Variants in DUT observed in about 807,000 individuals in gnomAD.
DUT encodes the protein deoxyuridine 5'-triphosphate nucleotidohydrolase, mitochondrial.
Under a neutral mutation model 28.8 loss-of-function variants are expected in DUT, and 21 were observed. The observed-to-expected ratio is 0.73, with a 90% CI of 0.52 to 1.05. The LOEUF is 1.05. Among genes scored for constraint, DUT ranks in the 50% least tolerant of loss-of-function variants. The pLI is 0.00. For synonymous variants in DUT, 147 were observed against 143.7 expected (o/e 1.02, Z -0.17); for missense variants, 344 against 351.8 (o/e 0.98, Z 0.18).
intron 1 of DUT, 114 bp downstream of exon 1, chr15:48,331,909 G>C: frequency 1.6e-6 from 1 of 623,346 alleles, no homozygotes. Flanking sequence ...CGGGGGGGGT[G>C]GGGTGGTCCA....
At chr15:48,337,873 A>G (rs973210949) in intron 4 of DUT, among the ~76,000 whole-genome samples, 9 of 152,208 alleles carry the variant, frequency 5.9e-5, no homozygotes, top group African/African-American at 2.2e-4. Flanking sequence ...TCAAAGGGAA[A>G]AGTTGAGCAT....
intron 1 of DUT, 47 bp downstream of exon 1, chr15:48,331,842 G>A (rs2042415282): frequency 2.3e-6 from 3 of 1,317,830 alleles, no homozygotes; most frequent in Non-Finnish European, 1.9e-6. Flanking sequence ...AGGAATCCAC[G>A]CGGCTTGAGG....
Position 48,332,255 on chromosome 15 carries a change from C to A in DUT, c.281-13C>A, listed in dbSNP as rs1353666037. ...TCGCTCGCCTTCTGGCTCTGCCATGCCCTGCTCTGAAGAGACACCCGCCAT... is the reference window on the plus strand; with the variant it reads ...TCGCTCGCCTTCTGGCTCTGCCATGACCTGCTCTGAAGAGACACCCGCCAT... On this transcript the variant is annotated splice_polypyrimidine_tract_variant and intron_variant, in intron 1 of 6. Coordinates refer to ENST00000331200, the MANE Select transcript of DUT (RefSeq NM_001025248.2). 6.2e-7 allele frequency: 1 copy of A among 1,602,858 alleles called. No individual in the cohort carries two copies. Among genetic ancestry groups the A allele is most frequent in the Admixed American group, 1.7e-5 (1 of 59,000 alleles).
upstream of DUT, chr15:48,331,303 C>A (rs12592155): frequency 0.17 from 243,878 of 1,441,820 alleles, 22,450 homozygotes; most frequent in East Asian, 0.44. Context: ...GAGGCGGCAG[C>A]AAGACTCAAG....
At chr15:48,332,095 C>T (rs1230699092) in intron 1 of DUT, 173 bp from the exon 2 acceptor site, 44 of 1,334,678 alleles carry the variant, frequency 3.3e-5, no homozygotes, top group Non-Finnish European at 4.2e-5. Context: ...AATCCCGCCT[C>T]CCCTCTCAGC....
Position 48,332,259 on chromosome 15 carries a change from G to C in DUT, c.281-9G>C, listed in dbSNP as rs769878987. The C allele has an allele frequency of 6.2e-7, 1 of 1,606,332 alleles. No individual in the cohort carries two copies. Among genetic ancestry groups the C allele is most frequent in the Non-Finnish European group, 8.5e-7 (1 of 1,177,296 alleles). On this transcript the variant is annotated splice_polypyrimidine_tract_variant and intron_variant, in intron 1 of 6. Coordinates refer to ENST00000331200, the MANE Select transcript of DUT (RefSeq NM_001025248.2). ...TCGCCTTCTGGCTCTGCCATGCCCT[G>C]CTCTGAAGAGACACCCGCCATTTCA...
chr15:48,332,229 C>A, intron 1 of DUT, 39 bp from the exon 2 acceptor site: 2 of 1,563,548 alleles, frequency 1.3e-6, no homozygotes, highest in Non-Finnish European at 8.6e-7. Context: ...CGGTGGTCTC[C>A]TCGCTCGCCT....
upstream of DUT, chr15:48,331,263 A>AAGAG (rs1007771506): frequency 6.8e-7 from 1 of 1,461,218 alleles, no homozygotes; most frequent in Non-Finnish European, 9.0e-7. Flanking sequence ...AGCAAACAAG[A>AAGAG]AGAGCGAAAG....
rs542309119 is a variant in DUT, at chr15:48,332,254, G to A, written c.281-14G>A. Reference sequence around the variant, plus strand: ...CTCGCTCGCCTTCTGGCTCTGCCATGCCCTGCTCTGAAGAGACACCCGCCA... The same window carrying A: ...CTCGCTCGCCTTCTGGCTCTGCCATACCCTGCTCTGAAGAGACACCCGCCA... On this transcript the variant is annotated splice_polypyrimidine_tract_variant and intron_variant, in intron 1 of 6. Coordinates refer to ENST00000331200, the MANE Select transcript of DUT (RefSeq NM_001025248.2). 6 of 1,602,244 alleles carry A rather than the reference G, an allele frequency of 3.7e-6. No homozygotes were observed. In the East Asian group the frequency reaches 9.2e-5, roughly 24 times the overall value.
At position 48,341,382 on chromosome 15, in the gene DUT, T is replaced by C; in HGVS notation, c.631+19T>C. ...TTTGAAGGTATGTTAAATATATACA[T>C]TCACATAATTTTAGTGAATTTTCAG... is the stretch of plus-strand genomic sequence containing the variant. On this transcript the variant is annotated intron_variant, in intron 5 of 6. Transcript: ENST00000331200. 2.5e-6 allele frequency: 4 copies of C among 1,587,636 alleles called. No individual in the cohort carries two copies. Among genetic ancestry groups the C allele is most frequent in the Non-Finnish European group, 3.5e-6 (4 of 1,156,852 alleles).
At chr15:48,333,823 A>G (rs967467197) in intron 2 of DUT, among the ~76,000 whole-genome samples, 1 of 152,208 alleles carries the variant, frequency 6.6e-6, no homozygotes, top group Non-Finnish European at 1.5e-5. Context: ...GATACAACAC[A>G]GTTCTTTATC....
rs2042559420 is a variant in DUT at position 48,343,124 on chromosome 15, A to G, written c.*1046A>G. The stretch of plus-strand genomic sequence containing the variant: ...CGTTTTGAGGATGTGGGTTATACAC[A>G]TGGAGTGCTTCTGGAACTATCAGCC... On this transcript the variant is annotated 3_prime_UTR_variant, in exon 7 of 7. Transcript: ENST00000331200. The G allele has an allele frequency of 6.6e-6, 1 of 152,202 alleles. No individual in the cohort carries two copies. The allele number at this position is 152,202 out of a possible 1,614,324, so 9.4% of individuals were successfully genotyped here. A position where few individuals can be genotyped will look rare whatever the true frequency, so the allele number is the denominator to read the frequency against.
rs28381111 is a variant in DUT, at chr15:48,334,279, C to T, written c.420-138C>T. ...AAGATGAATTGGTAATTCATCATAG[C>T]AAGGTTGATTTTAGAAACTAAAGTT... On this transcript the variant is annotated intron_variant, in intron 2 of 6. Transcript: ENST00000331200. 2,396 of 500,810 alleles carry T rather than the reference C, an allele frequency of 4.8e-3. 37 individuals are homozygous for T. The highest frequency in any genetic ancestry group is 0.034 in the East Asian group (1,081 of 32,196). The allele number at this position is 500,810 out of a possible 1,614,324, so 31.0% of individuals were successfully genotyped here. A position where few individuals can be genotyped will look rare whatever the true frequency, so the allele number is the denominator to read the frequency against.
intron 3 of DUT, 120 bp downstream of exon 3, chr15:48,334,628 C>T: frequency 3.2e-6 from 2 of 621,900 alleles, no homozygotes; most frequent in Admixed American, 5.4e-5. Context: ...AAAGAAGCAC[C>T]ATTTGTGATA....
chr15:48,341,665 T>C (rs554758361), intron 6 of DUT, 80 bp downstream of exon 6: 2 of 1,214,172 alleles, frequency 1.6e-6, no homozygotes, highest in Admixed American at 2.0e-5. Flanking sequence ...GAGAATTTAA[T>C]ATGCTGTTTG....
intron 6 of DUT, 123 bp from the exon 7 acceptor site, chr15:48,341,899 C>A (rs957319418): frequency 6.0e-5 from 45 of 748,146 alleles, no homozygotes; most frequent in Non-Finnish European, 9.7e-5. Context: ...CTGTAATCTC[C>A]CTTTTGAAAA....
chr15:48,340,609 A>C (rs2042522877), intron 4 of DUT, among the ~76,000 whole-genome samples: 2 of 152,160 alleles, frequency 1.3e-5, no homozygotes, highest in Admixed American at 1.3e-4. Context: ...TCCCCTGCAA[A>C]GATCTTCTCC....
chr15:48,337,773 A>G (rs545574143), intron 4 of DUT, among the ~76,000 whole-genome samples: 1 of 152,296 alleles, frequency 6.6e-6, no homozygotes, highest in African/African-American at 2.4e-5. Flanking sequence ...AATCTTAACA[A>G]TCTCCCTTAG....
At chr15:48,341,786 A>AT in intron 6 of DUT, 1 of 589,672 alleles carries the variant, frequency 1.7e-6, no homozygotes, top group East Asian at 3.0e-5. Context: ...ACTTTGGATA[A>AT]TAAGTTATTT....
Sources: allele counts gnomAD v4.1 joint callset (sites outside exome capture counted in the v4.1 genomes callset), GRCh38; gene constraint gnomAD v4.1.1; transcripts MANE v1.5; gene names NCBI Gene and HGNC (gene_info 2026-07-23, HGNC 2026-07-21).